Variants in PALLD observed in about 807,000 individuals in gnomAD.
PALLD encodes the protein palladin.
A neutral mutation model predicts 123.5 loss-of-function variants in PALLD; 61 were observed. The observed-to-expected ratio is 0.49, with a 90% confidence interval of 0.40 to 0.61. The LOEUF is 0.61. Ranked by LOEUF, PALLD falls within the 20% of genes least tolerant of loss-of-function variation. The pLI is 0.00. For synonymous variants in PALLD, 465 were observed against 496.4 expected (o/e 0.94, Z 0.84); for missense variants, 1,273 against 1,377.0 (o/e 0.92, Z 1.20).
intron 10 of PALLD, among the ~76,000 whole-genome samples, chr4:168,865,712 T>A (rs1429630535): frequency 6.6e-6 from 1 of 152,202 alleles, no homozygotes; most frequent in Non-Finnish European, 1.5e-5. Flanking sequence ...TGGAACAGCA[T>A]AACAGATGAG....
intron 15 of PALLD, chr4:168,904,113 A>C (rs991193878): frequency 4.0e-5 from 23 of 572,488 alleles, no homozygotes; most frequent in Non-Finnish European, 5.9e-5. Context: ...GTGTTATTCT[A>C]CTCCTTCCAC....
In PALLD at chr4:168,512,149, G is replaced by A. The variant is rs753771907; in HGVS notation, c.645G>A (p.Leu215=). 45 of 1,614,068 alleles carry A rather than the reference G, an allele frequency of 2.8e-5. No individual in the cohort carries two copies. The highest frequency in any genetic ancestry group is 3.6e-5 in the Non-Finnish European group (42 of 1,180,048). ...CTAAAAATCAGCCGTCAGCCCTGCT[G>A]AGTGCCTCAGCCAGCCAGAGCCCTA... ...LSPKNQPSAL[L]SASASQSPME... is the part of the protein sequence containing the mutation. Residue 215 remains leucine (L), a synonymous_variant, in exon 2 of 22, where the codon CTG becomes CTA. Transcript: ENST00000505667.
intron 10 of PALLD, among the ~76,000 whole-genome samples, chr4:168,810,582 G>A (rs1303881720): frequency 1.3e-5 from 2 of 151,880 alleles, no homozygotes; most frequent in East Asian, 3.9e-4. Flanking sequence ...GGTGGTGGTT[G>A]CAGTGAGCCG....
At chr4:168,537,034 G>A (rs1330508394) in intron 2 of PALLD, among the ~76,000 whole-genome samples, 1 of 152,096 alleles carries the variant, frequency 6.6e-6, no homozygotes. Flanking sequence ...CATCGTGTTA[G>A]CCAGGATGGT....
rs960155075 is a variant in PALLD at position 168,681,349 on chromosome 4, T to G, written c.1105T>G (p.Ser369Ala). ...VFIEGASSTD[S>A]DSESLAFKSR... ...TTTCCCAGGTGCCAGTTCAACAGAT[T>G]CTGACAGTGAAAGTTTAGCTTTCAA... Residue 369 changes from serine to alanine, a missense_variant, in exon 4 of 22, where the codon TCT becomes GCT. Ser to Ala is a moderately conservative substitution (Grantham distance 99, BLOSUM62 1). Around this residue, in one of 2 missense-constraint regions of PALLD, gnomAD observed 944 missense variants for 954.5 expected, o/e 0.99. Transcript: ENST00000505667. 12 of 1,607,046 alleles carry G rather than the reference T, an allele frequency of 7.5e-6. No individual in the cohort carries two copies. Among genetic ancestry groups the G allele is most frequent in the Non-Finnish European group, 9.4e-6 (11 of 1,173,806 alleles).
intron 10 of PALLD, among the ~76,000 whole-genome samples, chr4:168,719,768 C>G (rs941982165): frequency 2.7e-4 from 41 of 152,130 alleles, no homozygotes; most frequent in Admixed American, 2.5e-3. Flanking sequence ...GTCTGCTGTT[C>G]CCCTCCTAGT....
chr4:168,596,193 A>G (rs1231606292), intron 2 of PALLD, among the ~76,000 whole-genome samples: 1 of 152,054 alleles, frequency 6.6e-6, no homozygotes. Flanking sequence ...AATGAGACAC[A>G]CTCCTACCTG....
At chr4:168,784,551 A>G (rs949453164) in intron 10 of PALLD, among the ~76,000 whole-genome samples, 1 of 152,158 alleles carries the variant, frequency 6.6e-6, no homozygotes, top group South Asian at 2.1e-4. Context: ...AGAGATGGAC[A>G]CTTGGGAACC....
chr4:168,564,125 A>G (rs1318175225), intron 2 of PALLD, among the ~76,000 whole-genome samples: 2 of 152,184 alleles, frequency 1.3e-5, no homozygotes, highest in Non-Finnish European at 2.9e-5. Flanking sequence ...GTCCTTTACT[A>G]TGACATTATC....
chr4:168,897,361 G>C (rs1305821896), intron 13 of PALLD, among the ~76,000 whole-genome samples: 1 of 152,138 alleles, frequency 6.6e-6, no homozygotes, highest in East Asian at 1.9e-4. Context: ...TAAACACTGA[G>C]TAACTTCTTT....
intron 2 of PALLD, among the ~76,000 whole-genome samples, chr4:168,637,764 C>T (rs774182003): frequency 6.6e-6 from 1 of 151,836 alleles, no homozygotes; most frequent in Non-Finnish European, 1.5e-5. Flanking sequence ...GCCAGCATGG[C>T]GAAACCCCAT....
chr4:168,874,171 C>T (rs1210164303), intron 10 of PALLD, among the ~76,000 whole-genome samples: 2 of 152,234 alleles, frequency 1.3e-5, no homozygotes, highest in African/African-American at 4.8e-5. Flanking sequence ...AATGACCCCA[C>T]AAGCTAGTAG....
At chr4:168,883,088 C>CAA (rs34847342) in intron 10 of PALLD, among the ~76,000 whole-genome samples, 153 of 124,610 alleles carry the variant, frequency 1.2e-3, no homozygotes, top group African/African-American at 4.4e-3. Flanking sequence ...AACTCTGTCT[C>CAA]AAAAAAAAAA....
chr4:168,806,488 G>C (rs1236191061), intron 10 of PALLD, among the ~76,000 whole-genome samples: 1 of 152,136 alleles, frequency 6.6e-6, no homozygotes, highest in Non-Finnish European at 1.5e-5. Context: ...GTTTCCCAAG[G>C]CCTCCCAGCC....
chr4:168,521,502 T>A (rs1007003956), intron 2 of PALLD, among the ~76,000 whole-genome samples: 36 of 152,346 alleles, frequency 2.4e-4, no homozygotes, highest in African/African-American at 7.2e-4. Flanking sequence ...TCTTAATAAA[T>A]ATTAATGTAT....
intron 1 of PALLD, among the ~76,000 whole-genome samples, chr4:168,506,452 A>G (rs1007426235): frequency 6.6e-6 from 1 of 152,120 alleles, no homozygotes; most frequent in African/African-American, 2.4e-5. Flanking sequence ...TTTAACAATG[A>G]AAGAACTGCC....
intron 3 of PALLD, among the ~76,000 whole-genome samples, chr4:168,668,745 G>C (rs1037806284): frequency 1.3e-5 from 2 of 152,130 alleles, no homozygotes; most frequent in East Asian, 3.9e-4. Context: ...AATTTTAAGT[G>C]ATTGAATACT....
At chr4:168,751,430 A>C (rs1293394945) in intron 10 of PALLD, among the ~76,000 whole-genome samples, 2 of 152,210 alleles carry the variant, frequency 1.3e-5, no homozygotes, top group Non-Finnish European at 2.9e-5. Flanking sequence ...TCCAGTGTAG[A>C]TTTCCACACT....
chr4:168,732,831 C>T (rs1787314362), intron 10 of PALLD, among the ~76,000 whole-genome samples: 3 of 152,136 alleles, frequency 2.0e-5, no homozygotes, highest in African/African-American at 2.4e-5. Context: ...TCATTATTTG[C>T]TCCCTTTAAA....
Sources: gnomAD v4.1 joint callset for allele counts (sites outside exome capture counted in the v4.1 genomes callset) on GRCh38, gnomAD v4.1.1 for gene constraint, gnomAD v4.1.1 regional missense constraint, MANE v1.5 for transcripts, NCBI Gene and HGNC (gene_info 2026-07-23, HGNC 2026-07-21) for gene names.